Variants in TAAR2 observed in about 807,000 individuals in gnomAD.
TAAR2 encodes trace amine-associated receptor 2.
A neutral mutation model predicts 25.5 loss-of-function variants in TAAR2; 30 were observed. The ratio of observed to expected loss-of-function variants is 1.18; its 90% CI spans 0.88 to 1.60. The LOEUF (loss-of-function observed/expected upper bound fraction) is 1.60, where lower values mean the gene tolerates loss of function less well. TAAR2 is among the 40% of genes most tolerant of loss of function. The probability of loss-of-function intolerance (pLI) is 0.00; values close to 1 mark genes in which losing one functional copy is unlikely to be tolerated. For synonymous variants in TAAR2, 150 were observed against 142.4 expected, an observed-to-expected ratio of 1.05 and a Z score of -0.38; for missense variants, 481 against 416.5, an observed-to-expected ratio of 1.15 and a Z score of -1.35.
In TAAR2 at chr6:132,617,773, T is replaced by G; in HGVS notation, c.433A>C (p.Ile145Leu). The G allele has an allele frequency of 1.9e-6, 3 of 1,614,052 alleles. No individual in the cohort carries two copies. In the African/African-American group the frequency reaches 4.0e-5, roughly 22 times the overall value. ...GTGGAATAAAGTAATGGGTAACATA[T>G]AGCATAAAATCTATCAATGGCCACT... ...CSVAIDRFYA[I>L]CYPLLYSTKI... The change falls in exon 2 of 2, where the codon ATA (isoleucine) becomes CTA (leucine). Residue 145 changes from isoleucine (I) to leucine (L), a missense_variant. Coordinates refer to ENST00000367931, the MANE Select transcript of TAAR2 (RefSeq NM_001033080.1).
At chr6:132,620,273 G>C (rs997498877) in intron 1 of TAAR2, among the ~76,000 whole-genome samples, 5 of 152,214 alleles carry the variant, frequency 3.3e-5, no homozygotes, top group Admixed American at 6.5e-5. Flanking sequence ...CCTGGTGTAT[G>C]ATGGGACGTA....
rs1236092170 is a variant in TAAR2, at chr6:132,617,220, A to G, written c.986T>C (p.Ile329Thr). The G allele has an allele frequency of 6.2e-7, 1 of 1,609,854 alleles. No individual in the cohort carries two copies. Among genetic ancestry groups the G allele is most frequent in the South Asian group, 1.1e-5 (1 of 89,470 alleles). The part of the protein sequence containing the change: ...YPWFRRALKY[I>T]LLGKIFSSCF... The stretch of plus-strand genomic sequence containing the variant: ...TGAGCTGAAAATTTTACCTAGCAAA[A>G]TGTACTTCAGTGCTCTGCGAAACCA... Residue 329 changes from isoleucine (I) to threonine (T), a missense_variant, in exon 2 of 2, where the codon ATT (isoleucine) becomes ACT (threonine). By Grantham distance (89) the Ile-to-Thr change is moderately conservative. Transcript: ENST00000367931.
rs781055453 is a variant in TAAR2, at chr6:132,617,721, C to G, written c.485G>C (p.Arg162Thr). 1.2e-6 allele frequency: 2 copies of G among 1,613,948 alleles called. No individual in the cohort carries two copies. The highest frequency in any genetic ancestry group is 2.2e-5 in the East Asian group (1 of 44,830). ...GACCGACCAACATAGAAGTAGCAAT[C>G]TTTTAATGACTGGAATAGTTATTTT... is the stretch of plus-strand genomic sequence containing the variant. ...STKITIPVIKRLLLLCWSVPG... is the reference protein window; with the variant it reads ...STKITIPVIKTLLLLCWSVPG... Residue 162 changes from arginine to threonine, a missense_variant, in exon 2 of 2, where the codon AGA becomes ACA. Transcript: ENST00000367931.
chr6:132,619,195 G>A (rs1777341889), intron 1 of TAAR2, among the ~76,000 whole-genome samples: 2 of 152,200 alleles, frequency 1.3e-5, no homozygotes, highest in Non-Finnish European at 2.9e-5. Flanking sequence ...AAGGCTATGA[G>A]CAGAGGGCTA....
Position 132,617,473 on chromosome 6 carries a change from T to A in TAAR2, c.733A>T (p.Asn245Tyr). ...TGATTATTTTGATTTTCTCGCAAGT[T>A]ATTGATGGCATGAGCATGTTTTCTG... ...VSRKHAHAIN[N>Y]LRENQNNQVK... The change falls in exon 2 of 2, where the codon AAC becomes TAC. Residue 245 changes from asparagine (N) to tyrosine (Y), a missense_variant. Physicochemically the swap from Asn to Tyr is moderately radical, Grantham distance 143. Coordinates refer to ENST00000367931, the MANE Select transcript of TAAR2 (RefSeq NM_001033080.1). 1 of 1,613,982 alleles carries A rather than the reference T, an allele frequency of 6.2e-7. No homozygotes were observed. Among genetic ancestry groups the A allele is most frequent in the Non-Finnish European group, 8.5e-7 (1 of 1,179,976 alleles).
At chr6:132,622,733 C>G (rs1176810113) in intron 1 of TAAR2, among the ~76,000 whole-genome samples, 2 of 152,042 alleles carry the variant, frequency 1.3e-5, no homozygotes, top group African/African-American at 2.4e-5. Flanking sequence ...ATTCGCCCAC[C>G]TTGGCCTCCC....
chr6:132,618,145 C>A lies in TAAR2; in HGVS notation c.61G>T (p.Glu21Ter). The change falls in exon 2 of 2, where the codon GAA (glutamate) becomes TAA (stop). Residue 21 changes from glutamate (E) to a stop codon, truncating the protein, a stop_gained and splice_region_variant. Coordinates refer to ENST00000367931, the MANE Select transcript of TAAR2 (RefSeq NM_001033080.1). LOFTEE classifies it high-confidence loss of function. ...CCATATTCAGAGCAATTGAATTTTT[C>A]CTTCAAAAAACAAGAACAGATAGAA... ...SHFKRTQTKK[E>*]KFNCSEYGNR... 1 of 1,558,070 alleles carries A rather than the reference C, an allele frequency of 6.4e-7. No individual in the cohort carries two copies.
Position 132,617,270 on chromosome 6 carries a change from C to A in TAAR2, c.936G>T (p.Pro312=), listed in dbSNP as rs757996387. The stretch of plus-strand genomic sequence containing the variant: ...AGGGATAGAAGAAACCATATATTAA[C>A]GGATTACATGTGGAGTTAAAATAGC... The part of the protein sequence containing the change: ...WFGYFNSTCN[P]LIYGFFYPWF... The change falls in exon 2 of 2, where the codon CCG becomes CCT. Residue 312 remains proline, a synonymous_variant. Coordinates refer to ENST00000367931, the MANE Select transcript of TAAR2 (RefSeq NM_001033080.1). 103 of 1,613,514 alleles carry A rather than the reference C, an allele frequency of 6.4e-5. No homozygotes were observed. The highest frequency in any genetic ancestry group is 8.6e-5 in the Non-Finnish European group (101 of 1,179,902).
chr6:132,620,371 G>A (rs981336480), intron 1 of TAAR2, among the ~76,000 whole-genome samples: 45 of 152,190 alleles, frequency 3.0e-4, no homozygotes, highest in African/African-American at 1.1e-3. Flanking sequence ...TGCATTTGAG[G>A]TCTCTGCCGA....
Position 132,617,817 on chromosome 6 carries a change from G to A in TAAR2, c.389C>T (p.Ser130Phe), listed in dbSNP as rs61731216. The change falls in exon 2 of 2, where the codon TCC (serine) becomes TTC (phenylalanine). Residue 130 changes from serine (S) to phenylalanine (F), a missense_variant. Ser to Phe is a radical substitution (Grantham distance 155, BLOSUM62 -2). Coordinates refer to ENST00000367931, the MANE Select transcript of TAAR2 (RefSeq NM_001033080.1). The part of the protein sequence containing the change: ...YSFDLMLSIT[S>F]IFHLCSVAID... The stretch of plus-strand genomic sequence containing the variant: ...GGCCACTGAGCAAAGATGAAAAATG[G>A]ATGTTATGCTAAGCATCAGGTCAAA... 4.9e-3 allele frequency: 7,868 copies of A among 1,614,028 alleles called. 336 individuals carry two copies. In the African/African-American group the frequency reaches 0.092, roughly 19 times the overall value.
Position 132,617,898 on chromosome 6 carries a change from C to G in TAAR2, c.308G>C (p.Arg103Thr). The G allele has an allele frequency of 1.9e-6, 3 of 1,614,062 alleles. No homozygotes were observed. The highest frequency in any genetic ancestry group is 2.5e-6 in the Non-Finnish European group (3 of 1,179,982). The change falls in exon 2 of 2, where the codon AGA (arginine) becomes ACA (threonine). Residue 103 changes from arginine (R) to threonine (T), a missense_variant. Coordinates refer to ENST00000367931, the MANE Select transcript of TAAR2 (RefSeq NM_001033080.1). ...AAAATACCAGCAGTTCTCCACCGAT[C>G]TGATCATACTATATGGCATGATGGT... is the stretch of plus-strand genomic sequence containing the variant. ...GFTIMPYSMI[R>T]SVENCWYFGL... is the part of the protein sequence containing the mutation.
intron 1 of TAAR2, among the ~76,000 whole-genome samples, chr6:132,620,946 A>G (rs1243669184): frequency 1.3e-5 from 2 of 152,066 alleles, no homozygotes; most frequent in South Asian, 2.1e-4. Flanking sequence ...TCTTGGTACT[A>G]AGGTTTTTAG....
intron 1 of TAAR2, among the ~76,000 whole-genome samples, chr6:132,622,610 T>C (rs953586276): frequency 1.3e-5 from 2 of 151,056 alleles, no homozygotes; most frequent in African/African-American, 2.4e-5. Flanking sequence ...CTCAGCTTCC[T>C]GAGTAGCTGG....
At chr6:132,624,142 A>G in intron 1 of TAAR2, 74 bp downstream of exon 1, 1 of 1,369,542 alleles carries the variant, frequency 7.3e-7, no homozygotes, top group Non-Finnish European at 1.0e-6. Context: ...ATCTTTGTAA[A>G]TAATTCACAT....
chr6:132,622,850 T>C (rs1777392959), intron 1 of TAAR2, among the ~76,000 whole-genome samples: 1 of 152,182 alleles, frequency 6.6e-6, no homozygotes, highest in Admixed American at 6.6e-5. Flanking sequence ...TTGTTTCTCA[T>C]TTCCTTGAAT....
At chr6:132,622,482 T>TTTA (rs1777387570) in intron 1 of TAAR2, among the ~76,000 whole-genome samples, 1 of 123,546 alleles carries the variant, frequency 8.1e-6, no homozygotes, top group African/African-American at 3.1e-5. Flanking sequence ...TAACCACTTT[T>TTTA]TTTTTTTTTT....
At position 132,617,820 on chromosome 6, in the gene TAAR2, G is replaced by A. The variant is rs770646859; in HGVS notation, c.386C>T (p.Thr129Ile). 4.3e-6 allele frequency: 7 copies of A among 1,613,916 alleles called. No homozygotes were observed. The East Asian group carries it at 1.1e-4, about 26-fold the overall frequency. Residue 129 changes from threonine to isoleucine, a missense_variant, in exon 2 of 2, where the codon ACA becomes ATA. Thr to Ile is a moderately conservative substitution (Grantham distance 89). Coordinates refer to ENST00000367931, the MANE Select transcript of TAAR2 (RefSeq NM_001033080.1). ...CACTGAGCAAAGATGAAAAATGGATGTTATGCTAAGCATCAGGTCAAAACT... is the reference window on the plus strand; with the variant it reads ...CACTGAGCAAAGATGAAAAATGGATATTATGCTAAGCATCAGGTCAAAACT... ...YYSFDLMLSI[T>I]SIFHLCSVAI...
rs187756589 is a variant in TAAR2, at chr6:132,621,508, T to C, written c.60+2708A>G. On this transcript the variant is annotated intron_variant, in intron 1 of 1. Coordinates refer to ENST00000367931, the MANE Select transcript of TAAR2 (RefSeq NM_001033080.1). Reference sequence around the variant, plus strand: ...AAGCTCCCACTTATGAGTGAGAACATGTGGTGTTTGGTTTTCTGTTCCAAC... The same window carrying C: ...AAGCTCCCACTTATGAGTGAGAACACGTGGTGTTTGGTTTTCTGTTCCAAC... Among the ~76,000 whole-genome samples the C allele has an allele frequency of 1.1e-4, 16 of 152,212 alleles. No individual in the cohort carries two copies. In the East Asian group the frequency reaches 3.1e-3, roughly 29 times the overall value.
intron 1 of TAAR2, among the ~76,000 whole-genome samples, chr6:132,620,891 A>C (rs1777362253): frequency 9.7e-6 from 1 of 102,940 alleles, no homozygotes; most frequent in Non-Finnish European, 1.9e-5. Flanking sequence ...CACACAAAAA[A>C]AAAGACAGAA....
Sources: allele counts gnomAD v4.1 joint callset (sites outside exome capture counted in the v4.1 genomes callset), GRCh38; gene constraint gnomAD v4.1.1; transcripts MANE v1.5; gene names NCBI Gene and HGNC (gene_info 2026-07-23, HGNC 2026-07-21).